Variants in GFOD1 observed in about 807,000 individuals in gnomAD.
GFOD1 encodes Gfo/Idh/MocA-like oxidoreductase domain containing 1.
In GFOD1, 9 loss-of-function variants were observed where a neutral mutation model predicts 25.4. The observed-to-expected ratio is 0.35, with a 90% confidence interval of 0.21 to 0.62. GFOD1 has a LOEUF of 0.62. GFOD1 is among the 20% of genes least tolerant of loss of function. The probability of loss-of-function intolerance (pLI) is 0.72; values close to 1 mark genes in which losing one functional copy is unlikely to be tolerated. For synonymous variants in GFOD1, 253 were observed against 245.6 expected, an observed-to-expected ratio of 1.03 and a Z score of -0.28; for missense variants, 403 against 556.9, an observed-to-expected ratio of 0.72 and a Z score of 2.78.
chr6:13,428,820 A>C (rs1384131441), intron 1 of GFOD1, among the ~76,000 whole-genome samples: 1 of 152,190 alleles, frequency 6.6e-6, no homozygotes. Flanking sequence ...TTGGCCCTCC[A>C]TCAGAAGCGG....
chr6:13,390,883 A>G (rs1785590831), intron 1 of GFOD1, among the ~76,000 whole-genome samples: 1 of 152,192 alleles, frequency 6.6e-6, no homozygotes, highest in African/African-American at 2.4e-5. Flanking sequence ...GAGGCAATGC[A>G]TGCAAGCTAC....
intron 1 of GFOD1, among the ~76,000 whole-genome samples, chr6:13,467,035 T>G (rs1423735905): frequency 2.6e-5 from 4 of 151,324 alleles, no homozygotes; most frequent in Non-Finnish European, 2.9e-5. Context: ...CTGGAATACA[T>G]CTCCTCCCTT....
Position 13,361,584 on chromosome 6 carries a change from T to C in GFOD1, c.*3159A>G, listed in dbSNP as rs1163758468. On this transcript the variant is annotated 3_prime_UTR_variant, in exon 2 of 2. Transcript: ENST00000379287. ...AACAAAGTCCTTCTGCAGAACACTG[T>C]TGAAGGCTAGAGATTTCAGCTTCAT... is the stretch of plus-strand genomic sequence containing the variant. 1.3e-5 allele frequency: 2 copies of C among 152,256 alleles called. No individual in the cohort carries two copies. Among genetic ancestry groups the C allele is most frequent in the African/African-American group, 2.4e-5 (1 of 41,434 alleles). The allele number at this position is 152,256 out of a possible 1,614,324, so 9.4% of individuals were successfully genotyped here.
intron 1 of GFOD1, among the ~76,000 whole-genome samples, chr6:13,417,129 G>A (rs142988411): frequency 1.3e-5 from 2 of 152,218 alleles, no homozygotes; most frequent in African/African-American, 4.8e-5. Context: ...CACATGCTAA[G>A]TTATTCTGTA....
intron 1 of GFOD1, among the ~76,000 whole-genome samples, chr6:13,460,503 C>T (rs767074505): frequency 1.4e-4 from 21 of 152,306 alleles, no homozygotes; most frequent in Non-Finnish European, 2.8e-4. Context: ...AAGATCATGT[C>T]CTTTGCAGAA....
At chr6:13,398,327 G>C (rs1047400427) in intron 1 of GFOD1, among the ~76,000 whole-genome samples, 1 of 152,180 alleles carries the variant, frequency 6.6e-6, no homozygotes, top group African/African-American at 2.4e-5. Context: ...TCCTTAGCAG[G>C]GATCAGGAAA....
At chr6:13,451,357 C>T (rs1463080882) in intron 1 of GFOD1, among the ~76,000 whole-genome samples, 2 of 152,152 alleles carry the variant, frequency 1.3e-5, no homozygotes, top group African/African-American at 4.8e-5. Context: ...ACCAGCAACA[C>T]GGAGGCCCGA....
intron 1 of GFOD1, among the ~76,000 whole-genome samples, chr6:13,448,880 A>G (rs1758049428): frequency 6.6e-6 from 1 of 152,224 alleles, no homozygotes; most frequent in Admixed American, 6.5e-5. Flanking sequence ...GACAGAACCA[A>G]AAGTCTCTAA....
At chr6:13,400,714 C>T (rs1023023121) in intron 1 of GFOD1, among the ~76,000 whole-genome samples, 14 of 152,164 alleles carry the variant, frequency 9.2e-5, no homozygotes, top group African/African-American at 2.9e-4. Flanking sequence ...GTCTTACATG[C>T]AGATGAACAT....
intron 1 of GFOD1, among the ~76,000 whole-genome samples, chr6:13,373,513 G>A (rs1236909126): frequency 1.3e-5 from 2 of 151,996 alleles, no homozygotes; most frequent in African/African-American, 4.8e-5. Flanking sequence ...AAGCAGAATT[G>A]GAGTTTAGAG....
In GFOD1 at chr6:13,482,179, A is replaced by G. The variant is rs543365167; in HGVS notation, c.253+4459T>C. On this transcript the variant is annotated intron_variant, in intron 1 of 1. Coordinates refer to ENST00000379287, the MANE Select transcript of GFOD1 (RefSeq NM_018988.4). The stretch of plus-strand genomic sequence containing the variant: ...AATATATGTATATATACAAATGTGT[A>G]TATGTATATGCTGTATATGTAAAGA... 2.0e-5 allele frequency among the ~76,000 whole-genome samples: 3 copies of G among 148,806 alleles called. No individual in the cohort carries two copies. The South Asian group carries it at 6.3e-4, about 31-fold the overall frequency.
At chr6:13,451,341 A>G (rs1758094512) in intron 1 of GFOD1, among the ~76,000 whole-genome samples, 1 of 152,124 alleles carries the variant, frequency 6.6e-6, no homozygotes, top group Non-Finnish European at 1.5e-5. Context: ...GAGAGGAGGG[A>G]AACAGACCAG....
At chr6:13,376,850 T>G (rs1287772062) in intron 1 of GFOD1, among the ~76,000 whole-genome samples, 1 of 152,200 alleles carries the variant, frequency 6.6e-6, no homozygotes, top group African/African-American at 2.4e-5. Context: ...ATCTCCTTGT[T>G]GATTGCAAGT....
chr6:13,378,322 G>T (rs989019295), intron 1 of GFOD1, among the ~76,000 whole-genome samples: 1 of 152,208 alleles, frequency 6.6e-6, no homozygotes, highest in African/African-American at 2.4e-5. Context: ...GTTAATAAAG[G>T]AAGTGCCAAC....
At chr6:13,404,831 G>A (rs962702185) in intron 1 of GFOD1, among the ~76,000 whole-genome samples, 1 of 152,220 alleles carries the variant, frequency 6.6e-6, no homozygotes, top group African/African-American at 2.4e-5. Context: ...TGTTTTTAAA[G>A]GTTCCAAGAA....
chr6:13,465,750 T>C (rs1758369592), intron 1 of GFOD1, among the ~76,000 whole-genome samples: 1 of 152,144 alleles, frequency 6.6e-6, no homozygotes, highest in Non-Finnish European at 1.5e-5. Context: ...GGACCCCTGT[T>C]AAGGTCATAA....
chr6:13,479,210 A>G (rs559185817), intron 1 of GFOD1, among the ~76,000 whole-genome samples: 1 of 152,372 alleles, frequency 6.6e-6, no homozygotes, highest in East Asian at 1.9e-4. Flanking sequence ...TAAAAATTTT[A>G]AAAAGAACTA....
At chr6:13,479,426 G>T (rs1758700652) in intron 1 of GFOD1, among the ~76,000 whole-genome samples, 1 of 152,192 alleles carries the variant, frequency 6.6e-6, no homozygotes, top group Admixed American at 6.5e-5. Flanking sequence ...GTAGTAACCT[G>T]TCAACCTTTC....
intron 1 of GFOD1, among the ~76,000 whole-genome samples, chr6:13,409,578 G>T (rs1786033661): frequency 6.6e-6 from 1 of 152,176 alleles, no homozygotes; most frequent in Non-Finnish European, 1.5e-5. Flanking sequence ...ATAACACATA[G>T]TTTATTTAAT....
Sources: allele counts gnomAD v4.1 joint callset (sites outside exome capture counted in the v4.1 genomes callset), GRCh38; gene constraint gnomAD v4.1.1; transcripts MANE v1.5; gene names NCBI Gene and HGNC (gene_info 2026-07-23, HGNC 2026-07-21).